MGAT4C: variants seen among roughly 807,000 people sequenced by gnomAD.
MGAT4C encodes the protein MGAT4 family member C.
Under a neutral mutation model 40.1 loss-of-function variants are expected in MGAT4C, and 19 were observed. That is an observed-to-expected ratio of 0.47 (90% CI 0.33 to 0.70). The LOEUF is 0.70. Ranked by LOEUF, MGAT4C falls within the 30% of genes least tolerant of loss-of-function variation. MGAT4C has a pLI of 0.02. For missense variants in MGAT4C, 491 were observed against 563.2 expected (o/e 0.87, Z 1.30); for synonymous variants, 181 against 187.1 (o/e 0.97, Z 0.27).
In MGAT4C at chr12:86,743,600, A is replaced by C. The variant is rs372157001; in HGVS notation, c.-261-16359T>G. ...CGGATAGTATGAAATAAAGACTCAC[A>C]GGGATGAAAGCACAGAGGAAATAAT... On this transcript the variant is annotated intron_variant, in intron 1 of 7. Transcript: ENST00000548651. Among the ~76,000 whole-genome samples the C allele has an allele frequency of 2.0e-4, 31 of 151,694 alleles. No individual in the cohort carries two copies. The South Asian group carries it at 6.2e-3, about 30-fold the overall frequency.
At chr12:86,348,290 T>C (rs1045454155) in intron 3 of MGAT4C, among the ~76,000 whole-genome samples, 1 of 152,158 alleles carries the variant, frequency 6.6e-6, no homozygotes, top group African/African-American at 2.4e-5. Flanking sequence ...CACTCCTTAA[T>C]CTTTTTCTTC....
rs995874510 is a variant in MGAT4C at position 85,993,913 on chromosome 12, G to A, written c.-6-4361C>T. 2.0e-5 allele frequency among the ~76,000 whole-genome samples: 3 copies of A among 152,148 alleles called. No homozygotes were observed. In the South Asian group the frequency reaches 6.2e-4, roughly 32 times the overall value. ...GTAGTGGAGGCCAGTGCCTACGCAG[G>A]CACCCCTGAGCCTGTGTAGATGGTG... On this transcript the variant is annotated intron_variant, in intron 2 of 4. Coordinates refer to ENST00000611864, the MANE Select transcript of MGAT4C (RefSeq NM_001351288.2).
chr12:86,764,832 A>C (rs1176864458), intron 1 of MGAT4C, among the ~76,000 whole-genome samples: 1 of 152,272 alleles, frequency 6.6e-6, no homozygotes, highest in African/African-American at 2.4e-5. Context: ...AAACTAACAA[A>C]CAGAAAGGAC....
At chr12:86,528,029 A>G (rs1958914355) in intron 2 of MGAT4C, among the ~76,000 whole-genome samples, 1 of 152,202 alleles carries the variant, frequency 6.6e-6, no homozygotes, top group African/African-American at 2.4e-5. Flanking sequence ...TAAAAATCAT[A>G]AAAAGTATAT....
At chr12:86,655,955 A>G (rs764867027) in intron 2 of MGAT4C, among the ~76,000 whole-genome samples, 1 of 152,062 alleles carries the variant, frequency 6.6e-6, no homozygotes, top group African/African-American at 2.4e-5. Context: ...AGTTTGCCTG[A>G]TAAGTTTATC....
chr12:86,487,825 T>G (rs1958049390), intron 2 of MGAT4C, among the ~76,000 whole-genome samples: 1 of 152,190 alleles, frequency 6.6e-6, no homozygotes, highest in Admixed American at 6.5e-5. Flanking sequence ...TAGCTTGACA[T>G]AAATGTTAAA....
intron 1 of MGAT4C, among the ~76,000 whole-genome samples, chr12:86,155,491 A>G (rs1884823878): frequency 6.6e-6 from 1 of 152,194 alleles, no homozygotes; most frequent in South Asian, 2.1e-4. Context: ...TGATTATGGT[A>G]GTCTGTGGGT....
chr12:86,549,642 T>A (rs555918893), intron 2 of MGAT4C, among the ~76,000 whole-genome samples: 1 of 152,316 alleles, frequency 6.6e-6, no homozygotes, highest in Non-Finnish European at 1.5e-5. Context: ...CTAGTATTAT[T>A]TTGTGGGTAG....
chr12:86,610,489 A>G (rs1331308456), intron 2 of MGAT4C, among the ~76,000 whole-genome samples: 5 of 152,128 alleles, frequency 3.3e-5, no homozygotes, highest in African/African-American at 1.2e-4. Flanking sequence ...TGCCTGATGT[A>G]TCTCATTGCG....
At chr12:86,821,914 A>G (rs1566014654) in intron 1 of MGAT4C, among the ~76,000 whole-genome samples, 1 of 151,060 alleles carries the variant, frequency 6.6e-6, no homozygotes, top group Non-Finnish European at 1.5e-5. Context: ...CACTACAGCT[A>G]TATTATTATA....
Position 85,968,726 on chromosome 12 carries a change from C to A in MGAT4C, c.*10563G>T, listed in dbSNP as rs1447790561. The A allele has an allele frequency of 2.0e-5, 3 of 151,884 alleles. No homozygotes were observed. The highest frequency in any genetic ancestry group is 6.6e-5 in the Admixed American group (1 of 15,210). 9.4% of individuals were successfully genotyped at this position (151,884 alleles called of 1,614,324 possible). ...ACTTAGGAAGAATTTTAAAAGTATG[C>A]TGATGCCTGGAAACTCCAGAACAAT... On this transcript the variant is annotated 3_prime_UTR_variant, in exon 5 of 5. Transcript: ENST00000611864.
At chr12:86,092,510 T>G (rs924831929) in intron 1 of MGAT4C, among the ~76,000 whole-genome samples, 1 of 152,078 alleles carries the variant, frequency 6.6e-6, no homozygotes, top group African/African-American at 2.4e-5. Context: ...AAAAAGACGC[T>G]AAAATATTAT....
intron 3 of MGAT4C, among the ~76,000 whole-genome samples, chr12:86,348,995 G>C (rs190827666): frequency 6.6e-5 from 10 of 152,042 alleles, no homozygotes; most frequent in Non-Finnish European, 1.3e-4. Context: ...CACACCTACT[G>C]ACTAAAATTA....
At chr12:86,398,909 G>A (rs1367669023) in intron 3 of MGAT4C, among the ~76,000 whole-genome samples, 5 of 152,028 alleles carry the variant, frequency 3.3e-5, no homozygotes, top group Non-Finnish European at 5.9e-5. Flanking sequence ...GCAGGTCTGG[G>A]ATTTCCGCTG....
chr12:86,540,061 A>C (rs557567508), intron 2 of MGAT4C, among the ~76,000 whole-genome samples: 2 of 152,224 alleles, frequency 1.3e-5, no homozygotes, highest in African/African-American at 4.8e-5. Context: ...TTTTGTTGCC[A>C]TTGCTTTTGG....
chr12:86,140,940 G>A (rs1000444362), intron 1 of MGAT4C, among the ~76,000 whole-genome samples: 4 of 152,128 alleles, frequency 2.6e-5, no homozygotes, highest in African/African-American at 9.7e-5. Flanking sequence ...CCAAGTGAGT[G>A]GTATGCTTTT....
At chr12:86,774,426 TTTC>T (rs1565982100) in intron 1 of MGAT4C, among the ~76,000 whole-genome samples, 1 of 150,656 alleles carries the variant, frequency 6.6e-6, no homozygotes, top group Non-Finnish European at 1.5e-5. Context: ...TCTCTCTTTC[TTTC>T]TTTCTTTTCT....
chr12:86,349,075 T>A (rs1272140902), intron 3 of MGAT4C, among the ~76,000 whole-genome samples: 2 of 152,180 alleles, frequency 1.3e-5, no homozygotes, highest in African/African-American at 4.8e-5. Context: ...TTCTTGAAAC[T>A]AAAGTTCTTA....
In MGAT4C at chr12:86,036,234, T is replaced by C. The variant is rs1255600876; in HGVS notation, c.-7+13440A>G. 1.3e-5 allele frequency among the ~76,000 whole-genome samples: 2 copies of C among 150,130 alleles called. 1 individual carries two copies. The highest frequency in any genetic ancestry group is 3.0e-5 in the Non-Finnish European group (2 of 66,966). On this transcript the variant is annotated intron_variant, in intron 2 of 4. Transcript: ENST00000611864. ...CATGGGCTGAGACGATGGGGTTTTC[T>C]AAATATACAATCATGTCATCTGCAA...
Sources: allele counts gnomAD v4.1 joint callset (sites outside exome capture counted in the v4.1 genomes callset), GRCh38; gene constraint gnomAD v4.1.1; transcripts MANE v1.5; gene names NCBI Gene and HGNC (gene_info 2026-07-23, HGNC 2026-07-21).